Variants in DYM observed in about 807,000 individuals in gnomAD.
DYM encodes dyggve-Melchior-Clausen syndrome protein.
Under a neutral mutation model 93.1 loss-of-function variants are expected in DYM, and 78 were observed. The observed-to-expected ratio is 0.84, with a 90% CI of 0.70 to 1.01. The LOEUF (loss-of-function observed/expected upper bound fraction) is 1.01. Ranked by LOEUF, DYM falls within the 50% of genes least tolerant of loss-of-function variation. The pLI, the probability that DYM is intolerant of heterozygous loss-of-function variation, is 0.00. For synonymous variants in DYM, 321 were observed against 319.7 expected, an observed-to-expected ratio of 1.00 and a Z score of -0.04; for missense variants, 789 against 845.0, an observed-to-expected ratio of 0.93 and a Z score of 0.82.
intron 14 of DYM, among the ~76,000 whole-genome samples, chr18:49,203,569 T>G (rs2092278449): frequency 6.9e-6 from 1 of 144,026 alleles, no homozygotes; most frequent in Non-Finnish European, 1.5e-5. Context: ...CCCTGTGCTC[T>G]CTGAAACATG....
rs1041755268 is a variant in DYM, at chr18:49,038,015, G to A, written c.*6040C>T. Among the ~76,000 whole-genome samples the A allele has an allele frequency of 6.6e-6, 1 of 152,054 alleles. No homozygotes were observed. Among genetic ancestry groups the A allele is most frequent in the Non-Finnish European group, 1.5e-5 (1 of 68,014 alleles). On this transcript the variant is annotated 3_prime_UTR_variant, in exon 18 of 18. Coordinates refer to ENST00000675505, the MANE Select transcript of DYM (RefSeq NM_001353214.3). ...AATTTTTTTATTTTTTGTAAAGGTGGGGCCTCATTATGTTGCCCAAGCTGG... is the reference window on the plus strand; with the variant it reads ...AATTTTTTTATTTTTTGTAAAGGTGAGGCCTCATTATGTTGCCCAAGCTGG...
chr18:49,202,354 T>C (rs1288356244), intron 14 of DYM, among the ~76,000 whole-genome samples: 2 of 151,476 alleles, frequency 1.3e-5, no homozygotes, highest in Non-Finnish European at 2.9e-5. Context: ...AACCTACACC[T>C]CCCAGCCGCC....
intron 11 of DYM, among the ~76,000 whole-genome samples, chr18:49,263,554 C>A (rs1426346439): frequency 6.6e-6 from 1 of 151,504 alleles, no homozygotes; most frequent in Non-Finnish European, 1.5e-5. Context: ...GATGGTGAAA[C>A]CCTGTCTCTA....
chr18:49,427,023 T>C (rs2074362302), intron 2 of DYM, among the ~76,000 whole-genome samples: 2 of 152,152 alleles, frequency 1.3e-5, no homozygotes, highest in Admixed American at 1.3e-4. Flanking sequence ...AATGTAGAAA[T>C]GACCAAATTA....
chr18:49,234,182 T>C (rs1012035340), intron 13 of DYM, among the ~76,000 whole-genome samples: 1 of 151,368 alleles, frequency 6.6e-6, no homozygotes, highest in Non-Finnish European at 1.5e-5. Flanking sequence ...TGGCCATGCA[T>C]GGTGGCTCAT....
At chr18:49,131,206 A>C (rs981280451) in intron 15 of DYM, among the ~76,000 whole-genome samples, 1 of 152,168 alleles carries the variant, frequency 6.6e-6, no homozygotes, top group Admixed American at 6.5e-5. Flanking sequence ...GACAAAGAGA[A>C]TGTGACTACA....
At chr18:49,448,427 T>C (rs1488284409) in intron 1 of DYM, among the ~76,000 whole-genome samples, 1 of 152,152 alleles carries the variant, frequency 6.6e-6, no homozygotes, top group Non-Finnish European at 1.5e-5. Flanking sequence ...GCCCAACTAT[T>C]ATGTAGTTTT....
At chr18:49,107,226 G>A (rs1233463907) in intron 16 of DYM, among the ~76,000 whole-genome samples, 3 of 152,158 alleles carry the variant, frequency 2.0e-5, no homozygotes, top group Non-Finnish European at 4.4e-5. Flanking sequence ...CATTCGTCAC[G>A]TAGTTCTCGT....
At chr18:49,191,080 G>A (rs372581224) in intron 14 of DYM, among the ~76,000 whole-genome samples, 1 of 145,436 alleles carries the variant, frequency 6.9e-6, no homozygotes, top group Admixed American at 6.8e-5. Context: ...GCTGGGGGGA[G>A]TGCAGGGGGG....
intron 15 of DYM, among the ~76,000 whole-genome samples, chr18:49,157,098 C>T (rs535339501): frequency 6.6e-6 from 1 of 152,190 alleles, no homozygotes; most frequent in Non-Finnish European, 1.5e-5. Context: ...AGGAAGCACC[C>T]TGGGAAGAGG....
At chr18:49,048,500 T>C (rs2071947863) in intron 17 of DYM, 1 of 152,242 alleles carries the variant, frequency 6.6e-6, no homozygotes, top group African/African-American at 2.4e-5. Flanking sequence ...GTGACTTACA[T>C]GGGGGTTTTC....
At chr18:49,453,308 G>A (rs2082688751) in intron 1 of DYM, among the ~76,000 whole-genome samples, 1 of 152,144 alleles carries the variant, frequency 6.6e-6, no homozygotes, top group Admixed American at 6.5e-5. Flanking sequence ...AATAAAAGCA[G>A]GCTGCCCCAA....
chr18:49,046,024 C>T (rs833522), intron 17 of DYM, among the ~76,000 whole-genome samples: 130,334 of 151,986 alleles, frequency 0.86, 56,891 homozygotes, highest in Middle Eastern at 0.96. Flanking sequence ...ATGATGCTAG[C>T]TGGGTGGATT....
At chr18:49,173,660 T>C (rs191010866) in intron 14 of DYM, among the ~76,000 whole-genome samples, 8 of 152,244 alleles carry the variant, frequency 5.3e-5, no homozygotes, top group Admixed American at 2.6e-4. Context: ...AACAATAAAA[T>C]TATTATATAC....
At chr18:49,201,622 T>G (rs2091995348) in intron 14 of DYM, among the ~76,000 whole-genome samples, 1 of 152,248 alleles carries the variant, frequency 6.6e-6, no homozygotes, top group African/African-American at 2.4e-5. Flanking sequence ...TGTAACTCGT[T>G]GCAATACTGA....
intron 14 of DYM, among the ~76,000 whole-genome samples, chr18:49,193,162 T>C (rs1186037951): frequency 6.6e-6 from 1 of 151,932 alleles, no homozygotes; most frequent in South Asian, 2.1e-4. Context: ...ACCCCATAAA[T>C]ATGTAACTGT....
rs867177733 is a variant in DYM, at chr18:49,338,671, A to G, written c.495-4818T>C. 5.2e-4 allele frequency among the ~76,000 whole-genome samples: 79 copies of G among 152,368 alleles called. 1 individual carries two copies. The highest frequency in any genetic ancestry group is 3.4e-3 in the Middle Eastern group (1 of 294). On this transcript the variant is annotated intron_variant, in intron 6 of 17. Transcript: ENST00000675505. ...TCCACAAATCAATGAAGAAAAACAC[A>G]TTGTACAGAAGATGGTAATGGGAAA...
intron 15 of DYM, among the ~76,000 whole-genome samples, chr18:49,148,329 A>T (rs2144661577): frequency 6.6e-6 from 1 of 152,180 alleles, no homozygotes; most frequent in African/African-American, 2.4e-5. Context: ...GTAGCCTAAA[A>T]CTTAAAGTAT....
At chr18:49,317,831 T>C (rs566302860) in intron 8 of DYM, among the ~76,000 whole-genome samples, 26 of 151,902 alleles carry the variant, frequency 1.7e-4, no homozygotes, top group African/African-American at 6.0e-4. Flanking sequence ...ATGGCATTCA[T>C]CCTTTTAACA....
Sources: gnomAD v4.1 joint callset for allele counts (sites outside exome capture counted in the v4.1 genomes callset) on GRCh38, gnomAD v4.1.1 for gene constraint, MANE v1.5 for transcripts, NCBI Gene and HGNC (gene_info 2026-07-23, HGNC 2026-07-21) for gene names.